FAM117B: variants seen among roughly 807,000 people sequenced by gnomAD.
The protein encoded by FAM117B is family with sequence similarity 117 member B, also known as protein FAM117B.
A neutral mutation model predicts 52.8 loss-of-function variants in FAM117B; 22 were observed. The observed-to-expected ratio is 0.42, with a 90% CI of 0.30 to 0.59. The LOEUF is 0.59. Among genes scored for constraint, FAM117B ranks in the 20% least tolerant of loss-of-function variants. The pLI, the probability that FAM117B is intolerant of heterozygous loss-of-function variation, is 0.22. For synonymous variants in FAM117B, 309 were observed against 324.1 expected (o/e 0.95, Z 0.50); for missense variants, 678 against 802.6 (o/e 0.84, Z 1.88).
chr2:202,653,102 A>G (rs1268479756), intron 1 of FAM117B, among the ~76,000 whole-genome samples: 1 of 152,124 alleles, frequency 6.6e-6, no homozygotes, highest in Non-Finnish European at 1.5e-5. Flanking sequence ...CCTCATCTCT[A>G]CAAAAAAATT....
At chr2:202,702,398 T>G (rs970213914) in intron 2 of FAM117B, among the ~76,000 whole-genome samples, 5 of 150,630 alleles carry the variant, frequency 3.3e-5, no homozygotes, top group African/African-American at 9.8e-5. Flanking sequence ...CTCAGAAAAA[T>G]AAAGAAAGAA....
intron 5 of FAM117B, among the ~76,000 whole-genome samples, chr2:202,756,754 A>G (rs766957864): frequency 1.3e-5 from 2 of 152,130 alleles, no homozygotes; most frequent in South Asian, 4.1e-4. Context: ...CTCCCCATCA[A>G]CAGCACTTCT....
chr2:202,748,047 C>T (rs868180885), intron 4 of FAM117B, among the ~76,000 whole-genome samples: 5 of 152,142 alleles, frequency 3.3e-5, no homozygotes, highest in Admixed American at 1.3e-4. Context: ...CATCATACTA[C>T]CTGACTTCAA....
intron 1 of FAM117B, among the ~76,000 whole-genome samples, chr2:202,694,293 C>T (rs374487086): frequency 5.4e-5 from 8 of 149,000 alleles, no homozygotes; most frequent in Admixed American, 2.1e-4. Context: ...AGGATTCAAG[C>T]GATTCTCCTG....
chr2:202,709,898 C>T (rs1248939652), intron 2 of FAM117B, among the ~76,000 whole-genome samples: 2 of 152,128 alleles, frequency 1.3e-5, no homozygotes, highest in Non-Finnish European at 2.9e-5. Context: ...AAGAGACTGT[C>T]CTTCCCCCAT....
intron 1 of FAM117B, among the ~76,000 whole-genome samples, chr2:202,688,554 G>T (rs1192266751): frequency 6.6e-6 from 1 of 151,922 alleles, no homozygotes; most frequent in Non-Finnish European, 1.5e-5. Context: ...ATATTTACCA[G>T]AAGAAAAGAT....
chr2:202,721,803 T>C (rs1357846572), intron 2 of FAM117B, among the ~76,000 whole-genome samples: 1 of 151,832 alleles, frequency 6.6e-6, no homozygotes, highest in Non-Finnish European at 1.5e-5. Context: ...CCAGCTAATT[T>C]TTTACATTTT....
intron 1 of FAM117B, among the ~76,000 whole-genome samples, chr2:202,669,255 A>G (rs1253825154): frequency 6.6e-6 from 1 of 152,192 alleles, no homozygotes; most frequent in Non-Finnish European, 1.5e-5. Context: ...CAAAATAAGT[A>G]TTTCAAAATT....
At chr2:202,756,924 TA>T (rs1278953571) in intron 5 of FAM117B, among the ~76,000 whole-genome samples, 1 of 152,138 alleles carries the variant, frequency 6.6e-6, no homozygotes, top group Non-Finnish European at 1.5e-5. Context: ...ATTTTTAAAA[TA>T]ACCCTTAGCA....
At chr2:202,640,320 A>ATG (rs1439387421) in intron 1 of FAM117B, among the ~76,000 whole-genome samples, 4 of 114,974 alleles carry the variant, frequency 3.5e-5, no homozygotes, top group Non-Finnish European at 7.0e-5. Context: ...ATATATATAT[A>ATG]TATATATATA....
At chr2:202,743,473 C>G (rs1430550997) in intron 4 of FAM117B, among the ~76,000 whole-genome samples, 3 of 151,978 alleles carry the variant, frequency 2.0e-5, no homozygotes, top group Middle Eastern at 3.2e-3. Flanking sequence ...TATAAGGATA[C>G]AAGAAAAGTA....
At chr2:202,667,490 G>C (rs983828083) in intron 1 of FAM117B, among the ~76,000 whole-genome samples, 2 of 152,102 alleles carry the variant, frequency 1.3e-5, no homozygotes, top group Non-Finnish European at 2.9e-5. Flanking sequence ...GTTTGTGTGT[G>C]CGTGCGCGCG....
intron 2 of FAM117B, among the ~76,000 whole-genome samples, chr2:202,697,256 C>G (rs971869202): frequency 6.6e-6 from 1 of 152,264 alleles, no homozygotes; most frequent in South Asian, 2.1e-4. Flanking sequence ...TTCTAACATT[C>G]ACTAGATAGT....
intron 4 of FAM117B, among the ~76,000 whole-genome samples, chr2:202,737,557 G>A (rs1276983537): frequency 1.3e-5 from 2 of 151,966 alleles, no homozygotes; most frequent in Middle Eastern, 3.2e-3. Flanking sequence ...TTCACTCAAC[G>A]ATAGTGCCCT....
At chr2:202,639,387 C>A (rs991684189) in intron 1 of FAM117B, among the ~76,000 whole-genome samples, 4 of 152,200 alleles carry the variant, frequency 2.6e-5, no homozygotes, top group Non-Finnish European at 4.4e-5. Context: ...CCATCCCTGA[C>A]AGATATTTTA....
intron 4 of FAM117B, among the ~76,000 whole-genome samples, chr2:202,727,820 C>T (rs1691270340): frequency 6.6e-6 from 1 of 152,082 alleles, no homozygotes; most frequent in East Asian, 1.9e-4. Flanking sequence ...ACAGATAAGG[C>T]AGGCCAACCC....
At chr2:202,740,202 A>AAAAAAAAAC (rs1691509659) in intron 4 of FAM117B, among the ~76,000 whole-genome samples, 1 of 145,188 alleles carries the variant, frequency 6.9e-6, no homozygotes, top group Non-Finnish European at 1.5e-5. Context: ...AAAAAAAAAA[A>AAAAAAAAAC]TCCCCAAATT....
intron 1 of FAM117B, among the ~76,000 whole-genome samples, chr2:202,644,523 G>C (rs374257679): frequency 8.5e-5 from 13 of 152,256 alleles, no homozygotes; most frequent in African/African-American, 3.1e-4. Context: ...TTAGAACCGG[G>C]AACTTCCCTG....
chr2:202,635,897 T>G, intron 1 of FAM117B, 109 bp downstream of exon 1: 7 of 949,662 alleles, frequency 7.4e-6, no homozygotes, highest in Non-Finnish European at 9.5e-6. Flanking sequence ...CCCGGGTGGC[T>G]GGGGGCGGGG....
Sources: gnomAD v4.1 joint callset for allele counts (sites outside exome capture counted in the v4.1 genomes callset) on GRCh38, gnomAD v4.1.1 for gene constraint, MANE v1.5 for transcripts, NCBI Gene and HGNC (gene_info 2026-07-23, HGNC 2026-07-21) for gene names.